Variants in PTPRF observed in about 807,000 individuals in gnomAD.
The protein encoded by PTPRF is protein tyrosine phosphatase receptor type F, also known as receptor-type tyrosine-protein phosphatase F.
Under a neutral mutation model 201.8 loss-of-function variants are expected in PTPRF, and 59 were observed. That is an observed-to-expected ratio of 0.29 (90% CI 0.24 to 0.36). The LOEUF is 0.36. Ranked by LOEUF, PTPRF falls within the 10% of genes least tolerant of loss-of-function variation. The probability of loss-of-function intolerance (pLI) is 1.00; values close to 1 mark genes in which losing one functional copy is unlikely to be tolerated. For synonymous variants in PTPRF, 1,088 were observed against 1,089.7 expected (o/e 1.00, Z 0.03); for missense variants, 2,132 against 2,690.5 (o/e 0.79, Z 4.59).
upstream of PTPRF, among the ~76,000 whole-genome samples, chr1:43,529,980 G>C (rs1487968634): frequency 2.0e-5 from 3 of 152,034 alleles, no homozygotes; most frequent in African/African-American, 7.2e-5. Context: ...TCTCTGCTTG[G>C]GGTTGACACT....
chr1:43,600,018 C>T (rs1653353296), intron 13 of PTPRF, among the ~76,000 whole-genome samples: 2 of 152,210 alleles, frequency 1.3e-5, no homozygotes, highest in Admixed American at 6.5e-5. Context: ...TGGGGTCACC[C>T]ACACAGACAG....
rs1307205894 is a variant in PTPRF, at chr1:43,553,266, C to T, written c.92-226C>T. Among the ~76,000 whole-genome samples, 1 of 152,170 alleles carries T rather than the reference C, an allele frequency of 6.6e-6. No homozygotes were observed. Among genetic ancestry groups the T allele is most frequent in the East Asian group, 1.9e-4 (1 of 5,190 alleles). On this transcript the variant is annotated intron_variant, in intron 3 of 33. Transcript: ENST00000359947. The surrounding 1 kb of genome is among the most constrained non-coding windows in gnomAD (Gnocchi z 4.1). Reference sequence around the variant, plus strand: ...GGACAAATCCCTTAACCTCTCTGGGCCTCTAGAAACAGATACAGTTATAGC... The same window carrying T: ...GGACAAATCCCTTAACCTCTCTGGGTCTCTAGAAACAGATACAGTTATAGC...
Position 43,553,509 on chromosome 1 carries a change from A to G in PTPRF, c.109A>G (p.Lys37Glu). The change falls in exon 4 of 34, where the codon AAA becomes GAA. Residue 37 changes from lysine to glutamate, a missense_variant. Lys to Glu is a moderately conservative substitution (Grantham distance 56). Transcript: ENST00000359947. The surrounding 1 kb of genome is among the most constrained non-coding windows in gnomAD (Gnocchi z 4.1). ...TCTTCCAGGCAAACCTGTCTTCATT[A>G]AAGTCCCTGAGGACCAGACTGGGCT... is the stretch of plus-strand genomic sequence containing the variant. ...AHGDSKPVFI[K>E]VPEDQTGLSG... 6.2e-7 allele frequency: 1 copy of G among 1,614,032 alleles called. No homozygotes were observed. The highest frequency in any genetic ancestry group is 1.7e-5 in the Admixed American group (1 of 60,018).
In PTPRF at chr1:43,553,786, C is replaced by G; in HGVS notation, c.238-14C>G. ...TCCTGAGTAGGCTGTGACCCCATGTCTGTCCTCTGACAGGTCATTGAGTTT... is the reference window on the plus strand; with the variant it reads ...TCCTGAGTAGGCTGTGACCCCATGTGTGTCCTCTGACAGGTCATTGAGTTT... On this transcript the variant is annotated splice_polypyrimidine_tract_variant and intron_variant, in intron 4 of 33. Coordinates refer to ENST00000359947, the MANE Select transcript of PTPRF (RefSeq NM_002840.5). The surrounding 1 kb of genome is among the most constrained non-coding windows in gnomAD (Gnocchi z 4.1). 1 of 1,614,082 alleles carries G rather than the reference C, an allele frequency of 6.2e-7. No individual in the cohort carries two copies. Among genetic ancestry groups the G allele is most frequent in the Non-Finnish European group, 8.5e-7 (1 of 1,180,004 alleles).
At position 43,609,512 on chromosome 1, in the gene PTPRF, A is replaced by G. The variant is rs1655935666; in HGVS notation, c.3973+14A>G. The G allele has an allele frequency of 6.2e-7, 1 of 1,602,134 alleles. No individual in the cohort carries two copies. The highest frequency in any genetic ancestry group is 8.5e-7 in the Non-Finnish European group (1 of 1,171,290). ...ACCAGACCCCAGGTAGGGCACTCCTATGGCCTGTGTGCCCCCAGCCCAGAC... is the reference window on the plus strand; with the variant it reads ...ACCAGACCCCAGGTAGGGCACTCCTGTGGCCTGTGTGCCCCCAGCCCAGAC... On this transcript the variant is annotated intron_variant, in intron 22 of 33. Coordinates refer to ENST00000359947, the MANE Select transcript of PTPRF (RefSeq NM_002840.5).
chr1:43,524,075 G>C (rs919795241), upstream of PTPRF, among the ~76,000 whole-genome samples: 2 of 123,448 alleles, frequency 1.6e-5, no homozygotes, highest in Non-Finnish European at 1.7e-5. Flanking sequence ...AAAAAAAAAA[G>C]GAAGAAAGAA....
At chr1:43,618,012 C>T (rs754300395) in intron 25 of PTPRF, 101 bp downstream of exon 25, 21 of 1,258,026 alleles carry the variant, frequency 1.7e-5, no homozygotes, top group Non-Finnish European at 2.1e-5. Flanking sequence ...TGGAGGAAGT[C>T]GCTCAAGTGA....
At chr1:43,599,429 A>T (rs11210885) in intron 13 of PTPRF, among the ~76,000 whole-genome samples, 16,526 of 151,806 alleles carry the variant, frequency 0.11, 1,094 homozygotes, top group African/African-American at 0.18. Context: ...GCTGGCATCC[A>T]CTCTTCCCAC....
At chr1:43,566,611 C>T (rs1163932675) in intron 5 of PTPRF, among the ~76,000 whole-genome samples, 3 of 152,290 alleles carry the variant, frequency 2.0e-5, no homozygotes, top group South Asian at 2.1e-4. Context: ...CCAGGCCAGG[C>T]GCATGGTGGG....
chr1:43,612,928 C>T (rs1656818679), intron 22 of PTPRF: 1 of 828,934 alleles, frequency 1.2e-6, no homozygotes, highest in Non-Finnish European at 1.8e-6. Context: ...CTTTCTTCTC[C>T]CCCAATCCCA....
chr1:43,605,567 G>A lies in PTPRF; in HGVS notation c.3428G>A (p.Gly1143Asp), dbSNP rs1654887872. 2 of 1,614,030 alleles carry A rather than the reference G, an allele frequency of 1.2e-6. No homozygotes were observed. The highest frequency in any genetic ancestry group is 1.7e-6 in the Non-Finnish European group (2 of 1,180,016). The change falls in exon 19 of 34, where the codon GGC becomes GAC. Residue 1143 changes from glycine to aspartate, a missense_variant. By Grantham distance (94) the Gly-to-Asp change is moderately conservative. This residue lies in a region of PTPRF where 818 missense variants were observed against 915.3 expected (regional missense o/e 0.89). Coordinates refer to ENST00000359947, the MANE Select transcript of PTPRF (RefSeq NM_002840.5). The stretch of plus-strand genomic sequence containing the variant: ...GTTGTGGTGCCCATTGACCGTGTGG[G>A]CGGGAGCATGCTGACGCCAAGGTGG... ...YIVVVPIDRV[G>D]GSMLTPRWST...
intron 5 of PTPRF, among the ~76,000 whole-genome samples, chr1:43,566,238 G>C (rs372511391): frequency 6.6e-6 from 1 of 152,208 alleles, no homozygotes; most frequent in Non-Finnish European, 1.5e-5. Flanking sequence ...CCCCACCTCC[G>C]ATTTAGCTGT....
At chr1:43,563,688 G>A (rs1193992857) in intron 5 of PTPRF, among the ~76,000 whole-genome samples, 1 of 152,230 alleles carries the variant, frequency 6.6e-6, no homozygotes, top group Non-Finnish European at 1.5e-5. Flanking sequence ...GTTCCGTGGA[G>A]CCATTGTTGG....
chr1:43,598,982 G>A (rs767876262), intron 13 of PTPRF, 69 bp downstream of exon 13: 29 of 1,508,406 alleles, frequency 1.9e-5, no homozygotes, highest in Non-Finnish European at 2.4e-5. Flanking sequence ...CCCTTTTGGG[G>A]CCCAGATATG....
In PTPRF at chr1:43,606,776, G is replaced by A. The variant is rs578210664; in HGVS notation, c.3703-38G>A. 311 of 1,602,348 alleles carry A rather than the reference G, an allele frequency of 1.9e-4. 3 individuals carry two copies. Among genetic ancestry groups the A allele is most frequent in the South Asian group, 1.9e-3 (171 of 90,636 alleles). ...TAGGCAGAGGGTGGGGGGTTCTCACGCTGAGCTCACAGCCTGCTGTTCTCC... is the reference window on the plus strand; with the variant it reads ...TAGGCAGAGGGTGGGGGGTTCTCACACTGAGCTCACAGCCTGCTGTTCTCC... On this transcript the variant is annotated intron_variant, in intron 20 of 33. Coordinates refer to ENST00000359947, the MANE Select transcript of PTPRF (RefSeq NM_002840.5).
intron 7 of PTPRF, chr1:43,583,239 G>A: frequency 4.3e-6 from 2 of 466,900 alleles, no homozygotes; most frequent in Non-Finnish European, 5.6e-6. Flanking sequence ...CCGGCGGGCA[G>A]GCAGGACCAG....
At chr1:43,534,642 G>A (rs1482041972) in intron 1 of PTPRF, among the ~76,000 whole-genome samples, 1 of 152,096 alleles carries the variant, frequency 6.6e-6, no homozygotes, top group East Asian at 1.9e-4. Context: ...TGGCCCTTGA[G>A]GTACTTGGGA....
rs771749077 is a variant in PTPRF, at chr1:43,597,805, G to A, written c.1871G>A (p.Arg624Gln). Residue 624 changes from arginine to glutamine, a missense_variant, in exon 12 of 34, where the codon CGG (arginine) becomes CAG (glutamine). Around this residue, in one of 6 missense-constraint regions of PTPRF, gnomAD observed 125 missense variants for 211.9 expected, o/e 0.59. Transcript: ENST00000359947. ...MCVSMGSTTV[R>Q]VSWVPPPADS... ...GTGAGCATGGGCTCCACCACGGTCCGGGTAAGTTGGGTCCCGCCGCCTGCC... is the reference window on the plus strand; with the variant it reads ...GTGAGCATGGGCTCCACCACGGTCCAGGTAAGTTGGGTCCCGCCGCCTGCC... 2 of 1,607,468 alleles carry A rather than the reference G, an allele frequency of 1.2e-6. No homozygotes were observed. The highest frequency in any genetic ancestry group is 1.3e-5 in the African/African-American group (1 of 74,776).
chr1:43,558,961 T>C (rs1645595101), intron 5 of PTPRF, among the ~76,000 whole-genome samples: 1 of 151,996 alleles, frequency 6.6e-6, no homozygotes, highest in Non-Finnish European at 1.5e-5. Flanking sequence ...TTTGGGTAGG[T>C]TCTGGGAGGG....
Sources: gnomAD v4.1 joint callset for allele counts (sites outside exome capture counted in the v4.1 genomes callset) on GRCh38, gnomAD v4.1.1 for gene constraint, gnomAD v4.1.1 regional missense constraint, Gnocchi (gnomAD v3.1) non-coding constraint, MANE v1.5 for transcripts, NCBI Gene and HGNC (gene_info 2026-07-23, HGNC 2026-07-21) for gene names.